The following CACNA1A variants were observed in gnomAD, a reference collection of about 807,000 sequenced individuals.
The protein encoded by CACNA1A is calcium voltage-gated channel subunit alpha1 A, also known as voltage-dependent P/Q-type calcium channel subunit alpha-1A.
Under a neutral mutation model 262.4 loss-of-function variants are expected in CACNA1A, and 57 were observed. That is an observed-to-expected ratio of 0.22 (90% CI 0.18 to 0.27). The LOEUF is 0.27. CACNA1A is among the 10% of genes least tolerant of loss of function. The pLI is 1.00. For missense variants in CACNA1A, 2,526 were observed against 3,562.8 expected, an observed-to-expected ratio of 0.71 and a Z score of 7.41; for synonymous variants, 1,431 against 1,419.3, an observed-to-expected ratio of 1.01 and a Z score of -0.18.
intron 6 of CACNA1A, among the ~76,000 whole-genome samples, chr19:13,340,419 G>A (rs1025463010): frequency 7.7e-6 from 1 of 129,470 alleles, no homozygotes; most frequent in Non-Finnish European, 1.6e-5. Context: ...GGCACAGAGA[G>A]GTCTATTTTT....
intron 19 of CACNA1A, among the ~76,000 whole-genome samples, chr19:13,295,699 C>T (rs35539302): frequency 0.3 from 45,687 of 151,652 alleles, 7,690 homozygotes; most frequent in East Asian, 0.64. Context: ...CTCCTTATGT[C>T]GCCCAGGTTG....
At position 13,234,805 on chromosome 19, in the gene CACNA1A, G is replaced by C. The variant is rs1440348370; in HGVS notation, c.5249+116C>G. 4 of 738,714 alleles carry C rather than the reference G, an allele frequency of 5.4e-6. No individual in the cohort carries two copies. The African/African-American group carries it at 6.9e-5, about 13-fold the overall frequency. 45.8% of individuals were successfully genotyped at this position (738,714 alleles called of 1,614,324 possible). ...GGGCGCGCCCCTGCCAGAAGAGAAG[G>C]AGGAGGGCACGTCTTGCATTGGAAG... On this transcript the variant is annotated intron_variant, in intron 34 of 46. Transcript: ENST00000360228.
chr19:13,376,597 A>T (rs1275292063), intron 3 of CACNA1A, among the ~76,000 whole-genome samples: 1 of 148,624 alleles, frequency 6.7e-6, no homozygotes, highest in Non-Finnish European at 1.5e-5. Flanking sequence ...TGAGATATAT[A>T]ACACATAATA....
intron 1 of CACNA1A, among the ~76,000 whole-genome samples, chr19:13,467,979 T>C (rs1449966450): frequency 2.0e-5 from 3 of 151,974 alleles, no homozygotes; most frequent in African/African-American, 7.3e-5. Context: ...TGAGTGTGTG[T>C]GTGTGTGTGT....
chr19:13,270,479 T>C (rs563866017), intron 24 of CACNA1A, among the ~76,000 whole-genome samples: 2 of 151,678 alleles, frequency 1.3e-5, no homozygotes, highest in Non-Finnish European at 2.9e-5. Flanking sequence ...CTCCTTCCAA[T>C]GTGCCAACTA....
intron 3 of CACNA1A, among the ~76,000 whole-genome samples, chr19:13,433,933 A>C (rs147000614): frequency 6.6e-6 from 1 of 152,166 alleles, no homozygotes; most frequent in South Asian, 2.1e-4. Flanking sequence ...CCATGTATTG[A>C]GTGTGGCAGT....
rs778237349 is a variant in CACNA1A, at chr19:13,241,510, G to GT, written c.4950+3671dup. ...TAAGGCATTTAGACTTCAGAAAGAAGTAAGACCAACCGGATTCTAGATGCA... is the reference window on the plus strand; with the variant it reads ...TAAGGCATTTAGACTTCAGAAAGAAGTTAAGACCAACCGGATTCTAGATGCA... On this transcript the variant is annotated intron_variant, in intron 31 of 46. Coordinates refer to ENST00000360228, the MANE Select transcript of CACNA1A (RefSeq NM_001127222.2). This position sits in a 1 kb window ranked among gnomAD's most constrained non-coding sequence, Gnocchi z 4.0. 1.2e-5 allele frequency: 16 copies of GT among 1,286,576 alleles called. 1 individual carries two copies. In the Admixed American group the frequency reaches 3.3e-4, roughly 26 times the overall value. The allele number at this position is 1,286,576 out of a possible 1,614,324, so 79.7% of individuals were successfully genotyped here. A position where few individuals can be genotyped will look rare whatever the true frequency, so the allele number is the denominator to read the frequency against.
At chr19:13,242,287 C>A (rs1169481917) in intron 31 of CACNA1A, among the ~76,000 whole-genome samples, 1 of 152,092 alleles carries the variant, frequency 6.6e-6, no homozygotes, top group Non-Finnish European at 1.5e-5. Context: ...ACGTTTCTTT[C>A]TTTCTTTTTC....
At chr19:13,294,142 C>A (rs2057606509) in intron 19 of CACNA1A, among the ~76,000 whole-genome samples, 1 of 146,138 alleles carries the variant, frequency 6.8e-6, no homozygotes, top group East Asian at 2.0e-4. Context: ...AGGTCTTGCT[C>A]ATCTCTAAAA....
At chr19:13,485,658 A>G (rs1011376407) in intron 1 of CACNA1A, among the ~76,000 whole-genome samples, 1 of 152,226 alleles carries the variant, frequency 6.6e-6, no homozygotes, top group African/African-American at 2.4e-5. Context: ...GATGCAAACT[A>G]AAATCACAAT....
At chr19:13,275,580 CAG>C in intron 24 of CACNA1A, 1 of 498,206 alleles carries the variant, frequency 2.0e-6, no homozygotes, top group South Asian at 2.1e-5. Flanking sequence ...GGAAGCTGCA[CAG>C]CAAGGGGCCA....
chr19:13,488,390 CTTTTTTTTTTTTTT>C (rs34348281), intron 1 of CACNA1A, among the ~76,000 whole-genome samples: 2 of 77,622 alleles, frequency 2.6e-5, no homozygotes, highest in African/African-American at 6.0e-5. Context: ...TTTTTCTTTT[CTTTTTTTTTTTTTT>C]TTTTTTTTTT....
At chr19:13,384,504 C>T (rs1408454926) in intron 3 of CACNA1A, among the ~76,000 whole-genome samples, 3 of 152,184 alleles carry the variant, frequency 2.0e-5, no homozygotes, top group Admixed American at 1.3e-4. Flanking sequence ...TCGAGATCAG[C>T]CTGGCCAACA....
intron 11 of CACNA1A, chr19:13,315,518 T>C (rs62109071): frequency 0.09 from 13,642 of 152,094 alleles, 740 homozygotes; most frequent in South Asian, 0.18. Flanking sequence ...CTGTACAAGA[T>C]GATTAGTAGA....
At chr19:13,379,472 A>G (rs148775852) in intron 3 of CACNA1A, among the ~76,000 whole-genome samples, 2 of 152,134 alleles carry the variant, frequency 1.3e-5, no homozygotes, top group African/African-American at 4.8e-5. Flanking sequence ...TACCTGTATG[A>G]CAGATGTTAG....
chr19:13,497,564 A>T (rs1981823654), intron 1 of CACNA1A, among the ~76,000 whole-genome samples: 1 of 38,780 alleles, frequency 2.6e-5, no homozygotes, highest in Admixed American at 4.1e-4. Flanking sequence ...ATATATATAT[A>T]TATATATATA....
chr19:13,499,810 C>T (rs1028939998), intron 1 of CACNA1A, among the ~76,000 whole-genome samples: 1 of 152,150 alleles, frequency 6.6e-6, no homozygotes, highest in Non-Finnish European at 1.5e-5. Flanking sequence ...CCATCCCATC[C>T]GGCCCTTTTC....
intron 3 of CACNA1A, among the ~76,000 whole-genome samples, chr19:13,393,452 A>G (rs2144659885): frequency 6.6e-6 from 1 of 152,238 alleles, no homozygotes; most frequent in South Asian, 2.1e-4. Context: ...TGGTGACCTC[A>G]GAGGCACAAG....
chr19:13,212,445 C>T lies in CACNA1A; in HGVS notation c.6128G>A (p.Gly2043Asp), dbSNP rs765421252. ...QRAQEMFQKTGTWSPEQGPPT... is the reference protein window; with the variant it reads ...QRAQEMFQKTDTWSPEQGPPT... ...GGGGCCTTGTTCCGGACTCCATGTG[C>T]CCGTCTTCTGGAACATCTCCTGGGC... The change falls in exon 42 of 47, where the codon GGC becomes GAC. Residue 2043 changes from glycine (G) to aspartate (D), a missense_variant. This residue lies in a region of CACNA1A where 929 missense variants were observed against 868.1 expected (regional missense o/e 1.07). Transcript: ENST00000360228. The surrounding 1 kb of genome is among the most constrained non-coding windows in gnomAD (Gnocchi z 5.6). 7 of 1,611,556 alleles carry T rather than the reference C, an allele frequency of 4.3e-6. No homozygotes were observed. The South Asian group carries it at 7.7e-5, about 18-fold the overall frequency.
Sources: allele counts gnomAD v4.1 joint callset (sites outside exome capture counted in the v4.1 genomes callset), GRCh38; gene constraint gnomAD v4.1.1; regional missense constraint gnomAD v4.1.1; non-coding constraint Gnocchi (gnomAD v3.1); transcripts MANE v1.5; gene names NCBI Gene and HGNC (gene_info 2026-07-23, HGNC 2026-07-21).